SAMD12: variants seen among roughly 807,000 people sequenced by gnomAD.
SAMD12 encodes the protein sterile alpha motif domain-containing protein 12.
Under a neutral mutation model 15.0 loss-of-function variants are expected in SAMD12, and 9 were observed. The observed-to-expected ratio is 0.60, with a 90% CI of 0.36 to 1.05. The LOEUF is 1.05. Among genes scored for constraint, SAMD12 ranks in the 50% least tolerant of loss-of-function variants. The pLI is 0.01. For missense variants in SAMD12, 230 were observed against 234.2 expected, an observed-to-expected ratio of 0.98 and a Z score of 0.12; for synonymous variants, 86 against 90.1, an observed-to-expected ratio of 0.96 and a Z score of 0.25.
At chr8:118,289,749 A>T (rs1814259741) in intron 4 of SAMD12, among the ~76,000 whole-genome samples, 1 of 152,170 alleles carries the variant, frequency 6.6e-6, no homozygotes, top group Non-Finnish European at 1.5e-5. Flanking sequence ...CATTCTCCCT[A>T]AAGTTCTGAA....
chr8:118,315,787 C>G (rs1815862881), intron 4 of SAMD12, among the ~76,000 whole-genome samples: 1 of 152,098 alleles, frequency 6.6e-6, no homozygotes, highest in South Asian at 2.1e-4. Flanking sequence ...CTGCTGCAGG[C>G]TGAAGAAGCG....
At chr8:118,446,208 CTTT>C (rs199946506) in intron 2 of SAMD12, among the ~76,000 whole-genome samples, 38 of 135,040 alleles carry the variant, frequency 2.8e-4, no homozygotes, top group African/African-American at 1.0e-3. Flanking sequence ...GTTGTAGTGT[CTTT>C]TTTTTTTTTT....
At chr8:118,517,437 C>T (rs942328298) in intron 2 of SAMD12, among the ~76,000 whole-genome samples, 2 of 152,072 alleles carry the variant, frequency 1.3e-5, no homozygotes, top group African/African-American at 2.4e-5. Context: ...TTAAAGGTTA[C>T]GATACAATAG....
At chr8:118,359,227 G>T (rs187021490) in intron 4 of SAMD12, among the ~76,000 whole-genome samples, 16 of 152,252 alleles carry the variant, frequency 1.1e-4, no homozygotes, top group Admixed American at 2.6e-4. Context: ...TATGACTTGG[G>T]TCTAACACAG....
chr8:118,245,572 G>A (rs1812670709), intron 4 of SAMD12, among the ~76,000 whole-genome samples: 1 of 152,132 alleles, frequency 6.6e-6, no homozygotes, highest in African/African-American at 2.4e-5. Flanking sequence ...ATAGAGTGAA[G>A]AAGTAGTGGT....
intron 2 of SAMD12, among the ~76,000 whole-genome samples, chr8:118,461,138 A>G (rs1458387981): frequency 1.3e-5 from 2 of 152,196 alleles, no homozygotes; most frequent in Admixed American, 1.3e-4. Context: ...AACATTCTCC[A>G]ATTAGAGTGC....
intron 2 of SAMD12, among the ~76,000 whole-genome samples, chr8:118,536,497 G>C (rs545831382): frequency 7.0e-6 from 1 of 141,984 alleles, no homozygotes; most frequent in Non-Finnish European, 1.6e-5. Flanking sequence ...AATGGATACA[G>C]AGGCCCAGAC....
chr8:118,518,461 A>G (rs1410376415), intron 2 of SAMD12, among the ~76,000 whole-genome samples: 1 of 152,124 alleles, frequency 6.6e-6, no homozygotes, highest in Non-Finnish European at 1.5e-5. Context: ...CTTTTATCTC[A>G]TTTCTTCTTC....
In SAMD12 at chr8:118,538,257, C is replaced by T. The variant is rs950966379; in HGVS notation, c.192+42458G>A. On this transcript the variant is annotated intron_variant, in intron 2 of 3. Transcript: ENST00000314727. Reference sequence around the variant, plus strand: ...GGTGCAAGCACTCCCTTGGCTGCCTCAGCTATTGTCTCCCTAGGTCACATG... The same window carrying T: ...GGTGCAAGCACTCCCTTGGCTGCCTTAGCTATTGTCTCCCTAGGTCACATG... 3.2e-4 allele frequency among the ~76,000 whole-genome samples: 49 copies of T among 152,248 alleles called. 2 individuals carry two copies. The highest frequency in any genetic ancestry group is 2.0e-3 in the Admixed American group (31 of 15,298).
At chr8:118,372,662 T>C (rs535541668) in intron 4 of SAMD12, among the ~76,000 whole-genome samples, 1 of 152,264 alleles carries the variant, frequency 6.6e-6, no homozygotes, top group African/African-American at 2.4e-5. Flanking sequence ...GGCAGCTTTC[T>C]TTGTGTCAAA....
rs969369805 is a variant in SAMD12 at position 118,264,267 on chromosome 8, C to T, written c.434-66535G>A. 2.6e-5 allele frequency among the ~76,000 whole-genome samples: 4 copies of T among 152,128 alleles called. No individual in the cohort carries two copies. In the South Asian group the frequency reaches 6.2e-4, roughly 24 times the overall value. ...TCCTCCTCCACCTCTCTCTGTCCTT[C>T]CCAAGTCCCACTAAAGGATATTCTC... On this transcript the variant is annotated intron_variant, in intron 4 of 4. Coordinates refer to the SAMD12 transcript ENST00000409003.
At chr8:118,609,625 C>T (rs1828060661) in intron 1 of SAMD12, among the ~76,000 whole-genome samples, 1 of 152,172 alleles carries the variant, frequency 6.6e-6, no homozygotes, top group Non-Finnish European at 1.5e-5. Context: ...TCTTCTTTTT[C>T]ACCTAAGAAA....
intron 4 of SAMD12, among the ~76,000 whole-genome samples, chr8:118,244,035 A>G (rs1333799960): frequency 6.6e-6 from 1 of 152,124 alleles, no homozygotes; most frequent in East Asian, 1.9e-4. Context: ...AACCCTGAGA[A>G]TAATACCTAA....
exon 5 of SAMD12, chr8:118,196,299 T>C (rs1217040737): frequency 6.6e-6 from 1 of 152,218 alleles, no homozygotes; most frequent in African/African-American, 2.4e-5. Flanking sequence ...AAGCCTCTGA[T>C]GCCCGTCAGT....
chr8:118,233,651 C>CCTT (rs901239587), intron 4 of SAMD12, among the ~76,000 whole-genome samples: 10 of 152,164 alleles, frequency 6.6e-5, no homozygotes, highest in African/African-American at 2.4e-4. Flanking sequence ...AATGGCATCT[C>CCTT]CTTGCCTTCT....
exon 5 of SAMD12, chr8:118,197,535 A>C (rs1563690463): frequency 2.9e-6 from 2 of 688,816 alleles, no homozygotes; most frequent in South Asian, 3.4e-5. Context: ...ACAGCAAAGC[A>C]AGATTTTTCC....
At chr8:118,304,462 G>C (rs539914817) in intron 4 of SAMD12, among the ~76,000 whole-genome samples, 2 of 152,172 alleles carry the variant, frequency 1.3e-5, no homozygotes, top group African/African-American at 4.8e-5. Context: ...AAAAGCATAA[G>C]AACCTCTTTT....
chr8:118,537,427 C>T (rs1357158252), intron 2 of SAMD12, among the ~76,000 whole-genome samples: 7 of 152,134 alleles, frequency 4.6e-5, no homozygotes, highest in Non-Finnish European at 8.8e-5. Flanking sequence ...CCCTTTGAGG[C>T]ATTTTCTAGA....
chr8:118,168,034 TC>T, the SAMD12 span, among the ~76,000 whole-genome samples: 2 of 152,190 alleles, frequency 1.3e-5, no homozygotes, highest in Non-Finnish European at 2.9e-5. Flanking sequence ...GGCTGGTCTT[TC>T]CCATGCTATT....
Sources: gnomAD v4.1 joint callset for allele counts (sites outside exome capture counted in the v4.1 genomes callset) on GRCh38, gnomAD v4.1.1 for gene constraint, MANE v1.5 for transcripts, NCBI Gene and HGNC (gene_info 2026-07-23, HGNC 2026-07-21) for gene names.